Variants in SKAP2 observed in about 807,000 individuals in gnomAD.
SKAP2 encodes src kinase associated phosphoprotein 2.
SKAP2 carries 28 observed loss-of-function variants against 54.9 expected under a neutral mutation model. That is an observed-to-expected ratio of 0.51 (90% CI 0.38 to 0.70). The LOEUF is 0.70. Ranked by LOEUF, SKAP2 falls within the 30% of genes least tolerant of loss-of-function variation. The pLI is 0.00. For missense variants in SKAP2, 356 were observed against 424.1 expected (o/e 0.84, Z 1.41); for synonymous variants, 137 against 134.3 (o/e 1.02, Z -0.14).
chr7:26,830,182 A>G (rs543661991), intron 4 of SKAP2, among the ~76,000 whole-genome samples: 110 of 152,352 alleles, frequency 7.2e-4, no homozygotes, highest in African/African-American at 2.6e-3. Flanking sequence ...TCCACATTAT[A>G]TAAATCTGTA....
chr7:26,718,812 T>G (rs1365764499), intron 9 of SKAP2, among the ~76,000 whole-genome samples: 1 of 152,102 alleles, frequency 6.6e-6, no homozygotes, highest in Non-Finnish European at 1.5e-5. Context: ...CCCCACTTTT[T>G]TATTTTATGC....
chr7:26,805,888 G>A (rs148604211), intron 4 of SKAP2, among the ~76,000 whole-genome samples: 177 of 152,188 alleles, frequency 1.2e-3, no homozygotes, highest in African/African-American at 4.0e-3. Context: ...ACAAGTTGAC[G>A]GTCTGTGGCA....
chr7:26,657,743 C>CG, the SKAP2 span, among the ~76,000 whole-genome samples: 5 of 146,552 alleles, frequency 3.4e-5, 1 homozygote, highest in East Asian at 2.1e-4. Context: ...CCGCCCCCCC[C>CG]GCCCCAACTT....
chr7:26,844,374 T>G (rs570132784), intron 3 of SKAP2, among the ~76,000 whole-genome samples: 1 of 152,244 alleles, frequency 6.6e-6, no homozygotes, highest in African/African-American at 2.4e-5. Context: ...TACAATTGCT[T>G]ATTTATGACA....
chr7:26,748,293 A>T lies in SKAP2; in HGVS notation c.308-8329T>A, dbSNP rs184948430. The stretch of plus-strand genomic sequence containing the variant: ...CTTGTTCCTTATAGAATTTTAAAAT[A>T]TGGTTTTTATCTAAAAATTCTAGAG... On this transcript the variant is annotated intron_variant, in intron 4 of 12. Coordinates refer to ENST00000345317, the MANE Select transcript of SKAP2 (RefSeq NM_003930.5). 2.0e-3 allele frequency among the ~76,000 whole-genome samples: 298 copies of T among 152,294 alleles called. 1 individual carries two copies. Among genetic ancestry groups the T allele is most frequent in the African/African-American group, 7.0e-3 (291 of 41,578 alleles).
At chr7:26,774,117 A>G (rs1350007122) in intron 4 of SKAP2, among the ~76,000 whole-genome samples, 3 of 152,182 alleles carry the variant, frequency 2.0e-5, no homozygotes, top group African/African-American at 7.2e-5. Flanking sequence ...GTTCGAGATC[A>G]GCCTGGCCAA....
At chr7:26,658,068 C>T in the SKAP2 span, among the ~76,000 whole-genome samples, 1 of 152,188 alleles carries the variant, frequency 6.6e-6, no homozygotes. Flanking sequence ...GCAGATAGTA[C>T]TGCAGTCGAC....
intron 10 of SKAP2, among the ~76,000 whole-genome samples, chr7:26,690,038 A>G (rs973938750): frequency 2.6e-5 from 4 of 152,210 alleles, no homozygotes; most frequent in African/African-American, 9.6e-5. Flanking sequence ...ATGAAAGCTA[A>G]TTGAGTCATT....
chr7:26,781,462 C>T (rs901633477), intron 4 of SKAP2, among the ~76,000 whole-genome samples: 31 of 152,138 alleles, frequency 2.0e-4, no homozygotes, highest in Non-Finnish European at 2.2e-4. Context: ...GGTGCTACTG[C>T]GCCTTTTCAG....
chr7:26,823,574 A>G (rs1324279020), intron 4 of SKAP2, among the ~76,000 whole-genome samples: 3 of 152,178 alleles, frequency 2.0e-5, no homozygotes, highest in Admixed American at 6.5e-5. Flanking sequence ...AACTCTCTTC[A>G]ATTCTATGAA....
rs574569787 is a variant in SKAP2, at chr7:26,733,626, C to T, written c.469+5169G>A. Among the ~76,000 whole-genome samples the T allele has an allele frequency of 3.3e-5, 5 of 151,912 alleles. 1 individual carries two copies. Among genetic ancestry groups the T allele is most frequent in the South Asian group, 4.2e-4 (2 of 4,818 alleles). On this transcript the variant is annotated intron_variant, in intron 6 of 12. Coordinates refer to ENST00000345317, the MANE Select transcript of SKAP2 (RefSeq NM_003930.5). ...ATATGTCCTCTTTTTTTCCTATCAA[C>T]GGTGAAGTTGTGGAGAAGGGGAGAG...
chr7:26,761,329 A>G (rs1233358652), intron 4 of SKAP2, among the ~76,000 whole-genome samples: 1 of 152,250 alleles, frequency 6.6e-6, no homozygotes, highest in African/African-American at 2.4e-5. Flanking sequence ...TCAAAAATGA[A>G]TAAGAGCTTA....
chr7:26,733,881 T>C (rs895932153), intron 6 of SKAP2, among the ~76,000 whole-genome samples: 4 of 152,176 alleles, frequency 2.6e-5, no homozygotes, highest in Non-Finnish European at 4.4e-5. Flanking sequence ...GTGTATTCTT[T>C]AATCAGGTTT....
intron 9 of SKAP2, among the ~76,000 whole-genome samples, chr7:26,701,774 A>AAAT (rs1787032301): frequency 6.6e-6 from 1 of 150,798 alleles, no homozygotes; most frequent in African/African-American, 2.5e-5. Flanking sequence ...AATAAATAAA[A>AAAT]CTTGCATCAT....
intron 9 of SKAP2, among the ~76,000 whole-genome samples, chr7:26,706,865 C>T (rs1787169415): frequency 6.6e-6 from 1 of 152,114 alleles, no homozygotes; most frequent in Non-Finnish European, 1.5e-5. Context: ...ATGTATTAGT[C>T]TTAGCTTATA....
Position 26,684,774 on chromosome 7 carries a change from A to G in SKAP2, c.949T>C (p.Ser317Pro), listed in dbSNP as rs1421517267. The G allele has an allele frequency of 6.2e-7, 1 of 1,612,748 alleles. No individual in the cohort carries two copies. Among genetic ancestry groups the G allele is most frequent in the Non-Finnish European group, 8.5e-7 (1 of 1,178,986 alleles). ...DCTGAFSDEL[S>P]FKRGDVIYIL... ...TAAATCACATCACCACGCTTAAATG[A>G]CAACTCATCAGAAAAAGCTCCAGTA... Residue 317 changes from serine (S) to proline (P), a missense_variant, in exon 11 of 13, where the codon TCA becomes CCA. Physicochemically the swap from Ser to Pro is moderately conservative, Grantham distance 74. Coordinates refer to ENST00000345317, the MANE Select transcript of SKAP2 (RefSeq NM_003930.5).
intron 4 of SKAP2, among the ~76,000 whole-genome samples, chr7:26,755,426 G>T (rs951032034): frequency 3.3e-5 from 5 of 152,054 alleles, no homozygotes; most frequent in African/African-American, 1.2e-4. Flanking sequence ...GAAAACATTT[G>T]CATGGATGTC....
Position 26,811,338 on chromosome 7 carries a change from T to C in SKAP2, c.307+32692A>G, listed in dbSNP as rs887764098. ...AAAATTATTCTGATATATTTCTCTA[T>C]TGATTTTACCTTAAAGGCTTCAGGA... On this transcript the variant is annotated intron_variant, in intron 4 of 12. Transcript: ENST00000345317. Among the ~76,000 whole-genome samples, 4 of 151,838 alleles carry C rather than the reference T, an allele frequency of 2.6e-5. 1 individual carries two copies.
At chr7:26,844,629 C>A (rs1439460116) in intron 3 of SKAP2, among the ~76,000 whole-genome samples, 2 of 152,006 alleles carry the variant, frequency 1.3e-5, no homozygotes, top group African/African-American at 4.8e-5. Flanking sequence ...TGTATAAAAT[C>A]ATTTTATACA....
Sources: allele counts gnomAD v4.1 joint callset (sites outside exome capture counted in the v4.1 genomes callset), GRCh38; gene constraint gnomAD v4.1.1; transcripts MANE v1.5; gene names NCBI Gene and HGNC (gene_info 2026-07-23, HGNC 2026-07-21).